The following RALGAPA2 variants were observed in gnomAD, a reference collection of about 807,000 sequenced individuals.
RALGAPA2 encodes ral GTPase-activating protein subunit alpha-2.
RALGAPA2 carries 139 observed loss-of-function variants against 230.4 expected under a neutral mutation model. The ratio of observed to expected loss-of-function variants is 0.60; its 90% CI spans 0.53 to 0.69. The LOEUF (loss-of-function observed/expected upper bound fraction) is 0.69, where lower values mean the gene tolerates loss of function less well. Ranked by LOEUF, RALGAPA2 falls within the 30% of genes least tolerant of loss-of-function variation. The pLI is 0.00. For missense variants in RALGAPA2, 2,163 were observed against 2,276.0 expected, an observed-to-expected ratio of 0.95 and a Z score of 1.01; for synonymous variants, 847 against 837.8, an observed-to-expected ratio of 1.01 and a Z score of -0.19.
chr20:20,543,313 G>A (rs933835348), intron 24 of RALGAPA2, among the ~76,000 whole-genome samples: 8 of 152,010 alleles, frequency 5.3e-5, no homozygotes, highest in Admixed American at 2.0e-4. Context: ...CTAAAGTGTC[G>A]GGATTACAGG....
At chr20:20,511,707 C>CATTG (rs1206023005) in intron 32 of RALGAPA2, among the ~76,000 whole-genome samples, 6 of 152,312 alleles carry the variant, frequency 3.9e-5, no homozygotes, top group Non-Finnish European at 5.9e-5. Flanking sequence ...AAGTCTTCTC[C>CATTG]ATTGCTCTGT....
chr20:20,601,905 T>A, intron 15 of RALGAPA2, 59 bp from the exon 16 acceptor site: 1 of 1,424,834 alleles, frequency 7.0e-7, no homozygotes, highest in East Asian at 2.5e-5. Flanking sequence ...CATTTCACGC[T>A]TGTGTTGCTC....
intron 8 of RALGAPA2, 130 bp downstream of exon 8, chr20:20,637,233 A>T: frequency 1.4e-6 from 1 of 732,568 alleles, no homozygotes; most frequent in Non-Finnish European, 2.0e-6. Context: ...TTAAACATTT[A>T]ATAATAAAGT....
At chr20:20,620,865 G>A (rs772708331) in intron 10 of RALGAPA2, among the ~76,000 whole-genome samples, 18 of 152,162 alleles carry the variant, frequency 1.2e-4, no homozygotes, top group African/African-American at 3.6e-4. Flanking sequence ...TTTATAGGCC[G>A]GGCGCAGTGG....
chr20:20,623,155 T>C (rs1378474861), intron 10 of RALGAPA2, among the ~76,000 whole-genome samples: 1 of 152,142 alleles, frequency 6.6e-6, no homozygotes, highest in Non-Finnish European at 1.5e-5. Context: ...TAATGAATAA[T>C]GATCCAATCA....
chr20:20,459,430 T>C (rs1324331739), intron 37 of RALGAPA2, among the ~76,000 whole-genome samples: 2 of 151,924 alleles, frequency 1.3e-5, no homozygotes, highest in Admixed American at 6.6e-5. Flanking sequence ...TTTTGCTTTT[T>C]TTTTTTTTTT....
intron 23 of RALGAPA2, among the ~76,000 whole-genome samples, chr20:20,548,275 T>C (rs1197109711): frequency 6.6e-6 from 1 of 152,220 alleles, no homozygotes; most frequent in Admixed American, 6.5e-5. Context: ...AATTCTAACA[T>C]GTTCAGTCTG....
chr20:20,503,449 C>T lies in RALGAPA2; in HGVS notation c.5110G>A (p.Gly1704Arg), dbSNP rs752639070. 12 of 1,607,638 alleles carry T rather than the reference C, an allele frequency of 7.5e-6. No homozygotes were observed. The highest frequency in any genetic ancestry group is 2.3e-5 in the East Asian group (1 of 44,076). The stretch of plus-strand genomic sequence containing the variant: ...GTAGCATAGTAAGGGGCCGTCTGCC[C>T]GGTGCTGCCATTGCGCTGAAGGCCA... Reference protein sequence around the residue: ...MGGLQRNGSTGQTAPYYATST... With the variant: ...MGGLQRNGSTRQTAPYYATST... Residue 1704 changes from glycine to arginine, a missense_variant, in exon 35 of 40, where the codon GGG becomes AGG. Gly to Arg is a moderately radical substitution (Grantham distance 125, BLOSUM62 -2). Coordinates refer to ENST00000202677, the MANE Select transcript of RALGAPA2 (RefSeq NM_020343.4).
At chr20:20,466,292 T>C (rs578173980) in intron 37 of RALGAPA2, among the ~76,000 whole-genome samples, 1 of 152,342 alleles carries the variant, frequency 6.6e-6, no homozygotes, top group South Asian at 2.1e-4. Flanking sequence ...AAACTCAATT[T>C]TTAGTTTAGT....
intron 37 of RALGAPA2, among the ~76,000 whole-genome samples, chr20:20,468,161 T>C (rs534133120): frequency 2.0e-5 from 3 of 152,204 alleles, no homozygotes; most frequent in Admixed American, 6.5e-5. Context: ...TGCCTCTTGT[T>C]TGCATCTCTC....
intron 27 of RALGAPA2, among the ~76,000 whole-genome samples, chr20:20,527,816 G>A (rs1040948121): frequency 1.3e-5 from 2 of 152,214 alleles, no homozygotes; most frequent in African/African-American, 4.8e-5. Flanking sequence ...ATGAAACTCT[G>A]AGAGAGTGGG....
intron 23 of RALGAPA2, among the ~76,000 whole-genome samples, 190 bp from the exon 24 acceptor site, chr20:20,547,022 T>C (rs1303878507): frequency 2.0e-5 from 3 of 152,182 alleles, no homozygotes; most frequent in African/African-American, 4.8e-5. Flanking sequence ...AAAGGTAAGA[T>C]TGGAGACCCC....
At chr20:20,499,217 G>A (rs1054249339) in intron 35 of RALGAPA2, among the ~76,000 whole-genome samples, 3 of 152,060 alleles carry the variant, frequency 2.0e-5, no homozygotes, top group African/African-American at 7.2e-5. Flanking sequence ...AGCTGCAAAA[G>A]GTATCAGCTG....
intron 37 of RALGAPA2, among the ~76,000 whole-genome samples, chr20:20,454,103 G>C (rs1421953507): frequency 2.0e-5 from 3 of 152,164 alleles, no homozygotes; most frequent in Non-Finnish European, 4.4e-5. Flanking sequence ...TGTGAGCTAA[G>C]CTCAACTTAA....
chr20:20,566,347 G>A (rs1049100953), intron 23 of RALGAPA2, among the ~76,000 whole-genome samples: 2 of 152,162 alleles, frequency 1.3e-5, no homozygotes, highest in Non-Finnish European at 2.9e-5. Flanking sequence ...AAGCATTTCT[G>A]GATCATAAGC....
intron 37 of RALGAPA2, among the ~76,000 whole-genome samples, chr20:20,418,988 C>T (rs2060222656): frequency 6.6e-6 from 1 of 152,210 alleles, no homozygotes; most frequent in South Asian, 2.1e-4. Flanking sequence ...GATCCTTCCA[C>T]CTCAGCCTCC....
intron 4 of RALGAPA2, among the ~76,000 whole-genome samples, chr20:20,652,516 G>A (rs2067435881): frequency 6.6e-6 from 1 of 152,150 alleles, no homozygotes; most frequent in Admixed American, 6.5e-5. Context: ...TTCTGTCCCA[G>A]AACTTTGCAC....
chr20:20,497,477 G>A (rs544938114), intron 35 of RALGAPA2, among the ~76,000 whole-genome samples: 82 of 152,242 alleles, frequency 5.4e-4, no homozygotes, highest in African/African-American at 1.9e-3. Flanking sequence ...GGGTCCCTTG[G>A]TATAATGCTT....
At position 20,620,473 on chromosome 20, in the gene RALGAPA2, T is replaced by TC. The variant is rs781483585; in HGVS notation, c.1390dup (p.Asp464GlyfsTer2). 5 of 1,613,376 alleles carry TC rather than the reference T, an allele frequency of 3.1e-6. No homozygotes were observed. In the South Asian group the frequency reaches 4.4e-5, roughly 14 times the overall value. ...AGTGAAAAAAATTACCTCCTTGCTA[T>TC]CAGTCTCGGAAAATCCTAATTTTTC... On this transcript the variant is annotated frameshift_variant, in exon 11 of 40. Transcript: ENST00000202677. LOFTEE classifies it high-confidence loss of function.
Sources: gnomAD v4.1 joint callset for allele counts (sites outside exome capture counted in the v4.1 genomes callset) on GRCh38, gnomAD v4.1.1 for gene constraint, MANE v1.5 for transcripts, NCBI Gene and HGNC (gene_info 2026-07-23, HGNC 2026-07-21) for gene names.